The following CTNNBL1 variants were observed in gnomAD, a reference collection of about 807,000 sequenced individuals.
CTNNBL1 encodes the protein beta-catenin-like protein 1.
Under a neutral mutation model 72.7 loss-of-function variants are expected in CTNNBL1, and 31 were observed. The ratio of observed to expected loss-of-function variants is 0.43; its 90% confidence interval spans 0.32 to 0.58. CTNNBL1 has a LOEUF of 0.58. Among genes scored for constraint, CTNNBL1 ranks in the 20% least tolerant of loss-of-function variants. The pLI is 0.08. For missense variants in CTNNBL1, 534 were observed against 725.1 expected, an observed-to-expected ratio of 0.74 and a Z score of 3.03; for synonymous variants, 240 against 267.3, an observed-to-expected ratio of 0.90 and a Z score of 1.00.
intron 7 of CTNNBL1, among the ~76,000 whole-genome samples, chr20:37,768,988 A>G (rs1057014438): frequency 2.0e-5 from 3 of 152,202 alleles, no homozygotes; most frequent in Non-Finnish European, 4.4e-5. Flanking sequence ...CATGTTGGCC[A>G]GGCTAGTCTC....
intron 12 of CTNNBL1, among the ~76,000 whole-genome samples, chr20:37,841,838 T>C (rs1218454553): frequency 1.3e-5 from 2 of 152,200 alleles, no homozygotes; most frequent in African/African-American, 4.8e-5. Flanking sequence ...AAGGAGGTTT[T>C]CTTGCTCTCT....
At chr20:37,841,573 T>C (rs1166998208) in intron 12 of CTNNBL1, among the ~76,000 whole-genome samples, 2 of 152,188 alleles carry the variant, frequency 1.3e-5, no homozygotes, top group African/African-American at 2.4e-5. Context: ...AAGCAATCAG[T>C]ATCAGCACCT....
At chr20:37,706,665 T>C (rs1414771580) in intron 1 of CTNNBL1, among the ~76,000 whole-genome samples, 1 of 152,236 alleles carries the variant, frequency 6.6e-6, no homozygotes, top group Non-Finnish European at 1.5e-5. Flanking sequence ...TGGAATCAAC[T>C]TCTTCTAAAC....
At chr20:37,852,332 A>G (rs1202096675) in intron 13 of CTNNBL1, among the ~76,000 whole-genome samples, 1 of 152,146 alleles carries the variant, frequency 6.6e-6, no homozygotes, top group Non-Finnish European at 1.5e-5. Context: ...AGCGTACGTG[A>G]TTTGCATGCC....
chr20:37,783,702 C>G (rs984252698), intron 10 of CTNNBL1, among the ~76,000 whole-genome samples: 1 of 151,904 alleles, frequency 6.6e-6, no homozygotes, highest in Non-Finnish European at 1.5e-5. Context: ...AGTTTTTTTC[C>G]ATTGTGATCA....
intron 7 of CTNNBL1, among the ~76,000 whole-genome samples, chr20:37,771,510 A>G (rs375179942): frequency 6.6e-6 from 1 of 151,848 alleles, no homozygotes; most frequent in African/African-American, 2.4e-5. Context: ...ACCCAGGCCC[A>G]GTTTGACCTT....
At position 37,842,428 on chromosome 20, in the gene CTNNBL1, C is replaced by T. The variant is rs779549885; in HGVS notation, c.1392+9C>T. The T allele has an allele frequency of 6.2e-7, 1 of 1,604,426 alleles. No individual in the cohort carries two copies. The highest frequency in any genetic ancestry group is 1.7e-5 in the Admixed American group (1 of 60,010). On this transcript the variant is annotated intron_variant, in intron 13 of 15. Transcript: ENST00000361383. Reference sequence around the variant, plus strand: ...TTGAAGGGGAAAAACACGTATGTATCCCTGCCTCACTTTTGCCAGCTATTG... The same window carrying T: ...TTGAAGGGGAAAAACACGTATGTATTCCTGCCTCACTTTTGCCAGCTATTG...
intron 1 of CTNNBL1, among the ~76,000 whole-genome samples, chr20:37,721,576 C>A (rs904301510): frequency 9.9e-4 from 151 of 152,270 alleles, no homozygotes; most frequent in African/African-American, 3.5e-3. Context: ...TACTTCAGAT[C>A]TTACTTTAAG....
Position 37,764,732 on chromosome 20 carries a change from A to T in CTNNBL1, c.565-465A>T, listed in dbSNP as rs571763196. On this transcript the variant is annotated intron_variant, in intron 5 of 15. Transcript: ENST00000361383. ...AGGAAACAGGAATGTTTTGAGGTCA[A>T]CATAGAATGTGGCTGGTGCACATTC... 9.8e-5 allele frequency among the ~76,000 whole-genome samples: 15 copies of T among 152,370 alleles called. 1 individual carries two copies. In the South Asian group the frequency reaches 3.1e-3, roughly 32 times the overall value.
chr20:37,715,089 G>T (rs2072974634), intron 1 of CTNNBL1, among the ~76,000 whole-genome samples: 1 of 152,132 alleles, frequency 6.6e-6, no homozygotes, highest in South Asian at 2.1e-4. Flanking sequence ...GAAAGTACTA[G>T]AGCCGCTAAC....
intron 11 of CTNNBL1, among the ~76,000 whole-genome samples, chr20:37,828,869 G>T (rs1476439139): frequency 6.6e-6 from 1 of 152,184 alleles, no homozygotes; most frequent in Non-Finnish European, 1.5e-5. Context: ...CTGCTAGGCA[G>T]ATGTCCATTA....
chr20:37,792,697 C>T (rs934207639), intron 10 of CTNNBL1, among the ~76,000 whole-genome samples: 4 of 152,114 alleles, frequency 2.6e-5, no homozygotes, highest in Non-Finnish European at 5.9e-5. Flanking sequence ...TGGAACACTA[C>T]TTGTTCCAAG....
intron 4 of CTNNBL1, among the ~76,000 whole-genome samples, chr20:37,749,022 C>T (rs2073293941): frequency 6.6e-6 from 1 of 152,210 alleles, no homozygotes; most frequent in East Asian, 1.9e-4. Flanking sequence ...AGAATCTGAT[C>T]AGACCTTAGA....
chr20:37,860,605 T>A (rs1024782288), intron 15 of CTNNBL1, among the ~76,000 whole-genome samples: 4 of 152,152 alleles, frequency 2.6e-5, no homozygotes. Context: ...GTTGTTAAAA[T>A]TTTTTAAAAA....
chr20:37,790,658 G>A (rs775554575), intron 10 of CTNNBL1, among the ~76,000 whole-genome samples: 25 of 152,278 alleles, frequency 1.6e-4, no homozygotes, highest in Non-Finnish European at 2.8e-4. Context: ...TAATAAATGG[G>A]AAAGTGCTGT....
At chr20:37,842,263 T>G (rs749590799) in intron 12 of CTNNBL1, 76 bp from the exon 13 acceptor site, 110 of 993,126 alleles carry the variant, frequency 1.1e-4, no homozygotes, top group Non-Finnish European at 1.7e-4. Context: ...GACAGTGAGA[T>G]GAATAGGAGT....
intron 1 of CTNNBL1, among the ~76,000 whole-genome samples, chr20:37,704,458 T>C (rs1164237979): frequency 6.6e-6 from 1 of 152,042 alleles, no homozygotes; most frequent in Non-Finnish European, 1.5e-5. Flanking sequence ...TTCACACCTG[T>C]AATCCCAGCA....
chr20:37,835,416 CAAA>C (rs2072245286), intron 11 of CTNNBL1, among the ~76,000 whole-genome samples: 2 of 152,096 alleles, frequency 1.3e-5, no homozygotes. Flanking sequence ...GTAACAAGAA[CAAA>C]AACATGCTAA....
At chr20:37,731,134 T>G (rs1176402008) in intron 1 of CTNNBL1, among the ~76,000 whole-genome samples, 1 of 152,192 alleles carries the variant, frequency 6.6e-6, no homozygotes, top group Admixed American at 6.6e-5. Context: ...TGAAAATATT[T>G]AAAATCGTTT....
Sources: allele counts gnomAD v4.1 joint callset (sites outside exome capture counted in the v4.1 genomes callset), GRCh38; gene constraint gnomAD v4.1.1; transcripts MANE v1.5; gene names NCBI Gene and HGNC (gene_info 2026-07-23, HGNC 2026-07-21).